The following PBRM1 variants were observed in gnomAD, a reference collection of about 807,000 sequenced individuals.
The protein encoded by PBRM1 is protein polybromo-1.
Under a neutral mutation model 194.5 loss-of-function variants are expected in PBRM1, and 27 were observed. That is an observed-to-expected ratio of 0.14 (90% CI 0.10 to 0.19). The LOEUF is 0.19. PBRM1 is among the 10% of genes least tolerant of loss of function. PBRM1 has a pLI of 1.00. For missense variants in PBRM1, 1,466 were observed against 2,077.2 expected (o/e 0.71, Z 5.72); for synonymous variants, 655 against 693.2 (o/e 0.94, Z 0.87).
intron 5 of PBRM1, among the ~76,000 whole-genome samples, chr3:52,657,939 GC>G (rs2096639785): frequency 6.6e-6 from 1 of 151,904 alleles, no homozygotes; most frequent in Admixed American, 6.6e-5. Context: ...TTATAGGCAT[GC>G]GCCACCACAC....
intron 2 of PBRM1, among the ~76,000 whole-genome samples, chr3:52,677,363 C>G (rs968688937): frequency 6.6e-6 from 1 of 150,872 alleles, no homozygotes; most frequent in African/African-American, 2.4e-5. Context: ...CCTGCCTCAG[C>G]CTCCCAAGTA....
chr3:52,582,161 G>C (rs1560056278), intron 20 of PBRM1, among the ~76,000 whole-genome samples: 1 of 148,042 alleles, frequency 6.8e-6, no homozygotes, highest in Non-Finnish European at 1.5e-5. Context: ...AGAATCACTT[G>C]AACCTGGGAA....
downstream of PBRM1, chr3:52,547,296 C>A (rs2079801041): frequency 1.3e-5 from 3 of 232,966 alleles, no homozygotes; most frequent in Non-Finnish European, 2.5e-5. Context: ...GCAAAAATCA[C>A]TGACACCATA....
chr3:52,562,491 G>C (rs2083870847), intron 24 of PBRM1, among the ~76,000 whole-genome samples: 1 of 151,326 alleles, frequency 6.6e-6, no homozygotes, highest in South Asian at 2.1e-4. Flanking sequence ...GAATTCCATG[G>C]GTGCAATCTG....
intron 6 of PBRM1, 110 bp from the exon 8 acceptor site, chr3:52,648,552 T>C: frequency 1.7e-6 from 1 of 583,824 alleles, no homozygotes; most frequent in Non-Finnish European, 3.0e-6. Context: ...TCCAAGACTT[T>C]ATTGGAAAGT....
At chr3:52,592,122 GTTTT>G (rs1168998355) in intron 17 of PBRM1, among the ~76,000 whole-genome samples, 3 of 120,292 alleles carry the variant, frequency 2.5e-5, no homozygotes, top group South Asian at 2.6e-4. Flanking sequence ...ACTGCACCAG[GTTTT>G]TTTTTTTTTT....
chr3:52,610,670 G>A (rs2094560703), intron 15 of PBRM1, among the ~76,000 whole-genome samples: 1 of 152,206 alleles, frequency 6.6e-6, no homozygotes, highest in South Asian at 2.1e-4. Flanking sequence ...TGGGCGTGGT[G>A]GCTCATGCCT....
At chr3:52,567,045 G>A (rs113763057) in intron 22 of PBRM1, among the ~76,000 whole-genome samples, 112 of 147,794 alleles carry the variant, frequency 7.6e-4, no homozygotes, top group Middle Eastern at 7.1e-3. Context: ...TCCAGCCTGG[G>A]TGACAGAGAA....
chr3:52,685,844 C>A, upstream of PBRM1: 1 of 492,144 alleles, frequency 2.0e-6, no homozygotes. Flanking sequence ...CCTCCGGCCG[C>A]GGCCGCTGCC....
At chr3:52,568,350 T>C (rs989194226) in intron 22 of PBRM1, among the ~76,000 whole-genome samples, 6 of 152,262 alleles carry the variant, frequency 3.9e-5, no homozygotes, top group Non-Finnish European at 7.3e-5. Flanking sequence ...TTTATCTAAT[T>C]GCTTTATAGG....
rs1016187256 is a variant in PBRM1 at position 52,637,669 on chromosome 3, T to C, written c.1088-2854A>G. Among the ~76,000 whole-genome samples, 14 of 149,126 alleles carry C rather than the reference T, an allele frequency of 9.4e-5. No individual in the cohort carries two copies. In the Admixed American group the frequency reaches 9.4e-4, roughly 10 times the overall value. On this transcript the variant is annotated intron_variant, in intron 10 of 29. Transcript: ENST00000296302. ...AAGGCTGGGCGCAGTAGCTCATGCT[T>C]GTAATCCTAGCACTTTGGGAGGCTG...
intron 3 of PBRM1, among the ~76,000 whole-genome samples, chr3:52,665,912 A>G (rs903025478): frequency 3.9e-5 from 6 of 152,182 alleles, no homozygotes; most frequent in East Asian, 1.9e-4. Flanking sequence ...GAATTATTCT[A>G]AAGTCTTCGT....
At chr3:52,563,213 A>T in intron 24 of PBRM1, 70 bp downstream of exon 26, 1 of 1,129,602 alleles carries the variant, frequency 8.9e-7, no homozygotes, top group Non-Finnish European at 1.3e-6. Flanking sequence ...ATGTCACTTT[A>T]CTTTGGTTTT....
chr3:52,677,107 A>G (rs146961794), intron 2 of PBRM1, among the ~76,000 whole-genome samples: 9 of 152,344 alleles, frequency 5.9e-5, no homozygotes, highest in African/African-American at 2.2e-4. Flanking sequence ...TGATTAATAC[A>G]AAAACATAGG....
At chr3:52,665,983 T>A (rs879872299) in intron 3 of PBRM1, among the ~76,000 whole-genome samples, 1 of 152,190 alleles carries the variant, frequency 6.6e-6, no homozygotes, top group Non-Finnish European at 1.5e-5. Flanking sequence ...ATTATGCATA[T>A]TAAAACTTCT....
intron 22 of PBRM1, among the ~76,000 whole-genome samples, chr3:52,566,793 C>T (rs565323911): frequency 1.9e-4 from 29 of 152,122 alleles, no homozygotes; most frequent in Admixed American, 1.6e-3. Flanking sequence ...TATTTAAAAA[C>T]GGTTAAGGCT....
At chr3:52,662,068 C>T (rs2153913048) in intron 4 of PBRM1, 65 bp downstream of exon 5, 1 of 1,541,686 alleles carries the variant, frequency 6.5e-7, no homozygotes, top group South Asian at 1.2e-5. Context: ...CAGAGGGAAT[C>T]ACAAGCAGGG....
intron 4 of PBRM1, among the ~76,000 whole-genome samples, chr3:52,659,327 A>T (rs895657040): frequency 8.5e-5 from 13 of 152,226 alleles, no homozygotes; most frequent in African/African-American, 3.1e-4. Context: ...TGTACATATA[A>T]AATAAAGAGT....
exon 2 of PBRM1, chr3:52,678,518 A>G (rs1382054424): frequency 6.2e-7 from 1 of 1,612,536 alleles, no homozygotes; most frequent in Admixed American, 1.7e-5. Context: ...TGGTGCCCTA[A>G]TGAAGAGCTC....
Sources: gnomAD v4.1 joint callset for allele counts (sites outside exome capture counted in the v4.1 genomes callset) on GRCh38, gnomAD v4.1.1 for gene constraint, MANE v1.5 for transcripts, NCBI Gene and HGNC (gene_info 2026-07-23, HGNC 2026-07-21) for gene names.